Variants in MRPS28 observed in about 807,000 individuals in gnomAD.
MRPS28 encodes the protein small ribosomal subunit protein bS1m.
A neutral mutation model predicts 10.8 loss-of-function variants in MRPS28; 7 were observed. The observed-to-expected ratio is 0.65, with a 90% CI of 0.37 to 1.22. The LOEUF is 1.22. Ranked by LOEUF, MRPS28 falls within the 50% of genes most tolerant of loss-of-function variation. MRPS28 has a pLI of 0.02. For missense variants in MRPS28, 265 were observed against 232.9 expected, an observed-to-expected ratio of 1.14 and a Z score of -0.90; for synonymous variants, 121 against 93.3, an observed-to-expected ratio of 1.30 and a Z score of -1.71.
At chr8:79,924,643 C>T (rs900697869) in intron 2 of MRPS28, among the ~76,000 whole-genome samples, 14 of 152,120 alleles carry the variant, frequency 9.2e-5, no homozygotes, top group South Asian at 2.1e-4. Context: ...TGATTGTATA[C>T]GCAAAATGCA....
intron 2 of MRPS28, among the ~76,000 whole-genome samples, chr8:79,975,786 T>G (rs544472095): frequency 1.3e-5 from 2 of 152,288 alleles, no homozygotes; most frequent in Non-Finnish European, 2.9e-5. Context: ...CTTTAAAGAA[T>G]GTACAACCAA....
Position 79,920,062 on chromosome 8 carries a change from T to C in MRPS28, c.396-914A>G, listed in dbSNP as rs192491054. Among the ~76,000 whole-genome samples, 247 of 151,630 alleles carry C rather than the reference T, an allele frequency of 1.6e-3. 1 individual carries two copies. The highest frequency in any genetic ancestry group is 5.2e-3 in the African/African-American group (217 of 41,386). ...GGTGTTTGGTTTTTTGTCCTTACGA[T>C]AGTTTGCTGAGAATGATGGTTTCCA... On this transcript the variant is annotated intron_variant, in intron 2 of 2. Coordinates refer to ENST00000276585, the MANE Select transcript of MRPS28 (RefSeq NM_014018.3).
intron 2 of MRPS28, among the ~76,000 whole-genome samples, chr8:79,978,908 T>C (rs556826421): frequency 1.9e-4 from 29 of 152,276 alleles, no homozygotes; most frequent in Admixed American, 5.2e-4. Flanking sequence ...TTTTTCACTA[T>C]TGAAAGTTGA....
intron 1 of MRPS28, among the ~76,000 whole-genome samples, chr8:80,004,716 G>A (rs535456112): frequency 2.6e-5 from 4 of 152,122 alleles, no homozygotes; most frequent in African/African-American, 2.4e-5. Context: ...AGAACCCATC[G>A]CAAAGAAGCT....
At chr8:79,953,127 C>T (rs1807119564) in intron 2 of MRPS28, among the ~76,000 whole-genome samples, 2 of 152,148 alleles carry the variant, frequency 1.3e-5, no homozygotes, top group Admixed American at 6.5e-5. Context: ...AAGGTGCTCT[C>T]ACAGTGGAAG....
rs75912917 is a variant in MRPS28 at position 79,931,281 on chromosome 8, T to C, written c.396-12133A>G. Among the ~76,000 whole-genome samples, 873 of 152,298 alleles carry C rather than the reference T, an allele frequency of 5.7e-3. 9 individuals are homozygous for C. Among genetic ancestry groups the C allele is most frequent in the African/African-American group, 0.02 (844 of 41,564 alleles). On this transcript the variant is annotated intron_variant, in intron 2 of 2. Transcript: ENST00000276585. Reference sequence around the variant, plus strand: ...AGAGGTTATCTGCATCTAGTTGTCCTTGCCCATTTGGACTTCCTAAATCAG... The same window carrying C: ...AGAGGTTATCTGCATCTAGTTGTCCCTGCCCATTTGGACTTCCTAAATCAG...
chr8:79,981,583 T>C (rs751722875), intron 2 of MRPS28, among the ~76,000 whole-genome samples: 2 of 152,164 alleles, frequency 1.3e-5, no homozygotes, highest in Admixed American at 6.5e-5. Context: ...AACAGAATGG[T>C]AAGTAAAATA....
chr8:79,987,006 C>T (rs535283276), intron 2 of MRPS28, among the ~76,000 whole-genome samples: 2 of 152,046 alleles, frequency 1.3e-5, no homozygotes, highest in Admixed American at 1.3e-4. Flanking sequence ...GGAGGCATCA[C>T]GCTACCTGAC....
chr8:80,001,619 G>T (rs1375484685), intron 2 of MRPS28, among the ~76,000 whole-genome samples: 1 of 152,172 alleles, frequency 6.6e-6, no homozygotes, highest in Admixed American at 6.5e-5. Context: ...TTAAAATCTG[G>T]ATTGACAGAC....
chr8:79,985,417 A>G (rs1023353310), intron 2 of MRPS28, among the ~76,000 whole-genome samples: 10 of 152,210 alleles, frequency 6.6e-5, no homozygotes, highest in African/African-American at 2.2e-4. Context: ...GCAAGAAATA[A>G]CTAAAATCAG....
In MRPS28 at chr8:79,918,923, C is replaced by G; in HGVS notation, c.*57G>C. The G allele has an allele frequency of 8.0e-7, 1 of 1,251,072 alleles. No homozygotes were observed. The highest frequency in any genetic ancestry group is 1.1e-6 in the Non-Finnish European group (1 of 939,764). 77.5% of individuals were successfully genotyped at this position (1,251,072 alleles called of 1,614,324 possible). A position where few individuals can be genotyped will look rare whatever the true frequency, so the allele number is the denominator to read the frequency against. Reference sequence around the variant, plus strand: ...CATTTATTCACAATTAGTCTAATTGCATTCTTGATGAATAACTGACTTCAG... The same window carrying G: ...CATTTATTCACAATTAGTCTAATTGGATTCTTGATGAATAACTGACTTCAG... On this transcript the variant is annotated 3_prime_UTR_variant, in exon 3 of 3. Coordinates refer to ENST00000276585, the MANE Select transcript of MRPS28 (RefSeq NM_014018.3).
At chr8:79,966,071 C>T (rs563978075) in intron 2 of MRPS28, among the ~76,000 whole-genome samples, 1 of 151,868 alleles carries the variant, frequency 6.6e-6, no homozygotes, top group East Asian at 1.9e-4. Context: ...AAAGGTTCTC[C>T]TAAAAAGAAA....
intron 2 of MRPS28, among the ~76,000 whole-genome samples, chr8:79,988,310 A>G (rs1235746657): frequency 6.6e-6 from 1 of 150,956 alleles, no homozygotes. Context: ...TTTAGGAGAT[A>G]TACCTAATGC....
At chr8:79,943,803 T>G (rs1806832139) in intron 2 of MRPS28, among the ~76,000 whole-genome samples, 1 of 152,212 alleles carries the variant, frequency 6.6e-6, no homozygotes, top group Non-Finnish European at 1.5e-5. Context: ...ATTTCTCTTT[T>G]AGGAAATGTT....
intron 1 of MRPS28, among the ~76,000 whole-genome samples, chr8:80,019,401 T>C (rs1211833287): frequency 6.6e-6 from 1 of 150,804 alleles, no homozygotes; most frequent in African/African-American, 2.4e-5. Flanking sequence ...AAAAATCACA[T>C]GGTCGTATTT....
At chr8:80,015,824 G>A (rs1445455513) in intron 1 of MRPS28, among the ~76,000 whole-genome samples, 6 of 152,066 alleles carry the variant, frequency 3.9e-5, no homozygotes, top group African/African-American at 7.2e-5. Context: ...AGCAATGTAC[G>A]CAGAAAGATG....
At chr8:79,938,023 G>T (rs975611361) in intron 2 of MRPS28, among the ~76,000 whole-genome samples, 1 of 152,092 alleles carries the variant, frequency 6.6e-6, no homozygotes, top group East Asian at 1.9e-4. Flanking sequence ...TTGGGGGGAG[G>T]TGTGTGTGCT....
At chr8:80,025,776 T>A (rs992584781) in intron 1 of MRPS28, among the ~76,000 whole-genome samples, 1 of 152,148 alleles carries the variant, frequency 6.6e-6, no homozygotes, top group Admixed American at 6.5e-5. Context: ...TACACAGATA[T>A]TAAGTAATTT....
intron 1 of MRPS28, among the ~76,000 whole-genome samples, chr8:80,021,055 T>G (rs1203274206): frequency 6.6e-6 from 1 of 150,648 alleles, no homozygotes; most frequent in Admixed American, 6.6e-5. Flanking sequence ...TAGGCTGGAG[T>G]GCAGTGGCAC....
Sources: gnomAD v4.1 joint callset for allele counts (sites outside exome capture counted in the v4.1 genomes callset) on GRCh38, gnomAD v4.1.1 for gene constraint, MANE v1.5 for transcripts, NCBI Gene and HGNC (gene_info 2026-07-23, HGNC 2026-07-21) for gene names.